PRKG1: variants seen among roughly 807,000 people sequenced by gnomAD.
The protein encoded by PRKG1 is cGMP-dependent protein kinase 1.
A neutral mutation model predicts 88.1 loss-of-function variants in PRKG1; 35 were observed. The ratio of observed to expected loss-of-function variants is 0.40; its 90% CI spans 0.30 to 0.53. PRKG1 has a LOEUF of 0.53. PRKG1 is among the 20% of genes least tolerant of loss of function. The pLI is 0.59. For missense variants in PRKG1, 540 were observed against 839.8 expected (o/e 0.64, Z 4.41); for synonymous variants, 303 against 292.5 (o/e 1.04, Z -0.37).
intron 9 of PRKG1, among the ~76,000 whole-genome samples, chr10:52,219,079 TGTTTTCATGGTGA>T (rs774927053): frequency 4.2e-4 from 64 of 152,282 alleles, no homozygotes; most frequent in Non-Finnish European, 7.5e-4. Flanking sequence ...GGGACTTTTT[TGTTTTCATGGTGA>T]GCACTTCTGT....
intron 1 of PRKG1, among the ~76,000 whole-genome samples, chr10:51,064,878 A>C (rs940615153): frequency 6.6e-6 from 1 of 152,076 alleles, no homozygotes; most frequent in Non-Finnish European, 1.5e-5. Context: ...CTGACATTCT[A>C]TGGAGAAAGC....
chr10:51,065,181 CAGTCAGCTTTTGGAAG>C (rs1843734902), intron 1 of PRKG1, among the ~76,000 whole-genome samples: 1 of 152,016 alleles, frequency 6.6e-6, no homozygotes, highest in African/African-American at 2.4e-5. Flanking sequence ...CCAAATAAAG[CAGTCAGCTTTTGGAAG>C]AGTAGCTGGA....
At chr10:51,380,068 A>C (rs974826977) in intron 2 of PRKG1, among the ~76,000 whole-genome samples, 2 of 152,154 alleles carry the variant, frequency 1.3e-5, no homozygotes, top group Admixed American at 6.6e-5. Context: ...GCCCTGTTGA[A>C]GCCCTCTATG....
chr10:51,967,799 C>A (rs1843609554), intron 5 of PRKG1, among the ~76,000 whole-genome samples: 1 of 152,132 alleles, frequency 6.6e-6, no homozygotes, highest in Admixed American at 6.5e-5. Context: ...ATCATCTTCA[C>A]CACTCCTCCC....
intron 1 of PRKG1, among the ~76,000 whole-genome samples, chr10:51,023,290 T>C (rs1419166109): frequency 2.6e-5 from 4 of 152,212 alleles, no homozygotes; most frequent in Non-Finnish European, 2.9e-5. Flanking sequence ...CTATGAAACA[T>C]TGTTTACTAA....
chr10:51,569,293 G>A (rs1027601569), intron 3 of PRKG1, among the ~76,000 whole-genome samples: 2 of 151,962 alleles, frequency 1.3e-5, no homozygotes, highest in African/African-American at 4.8e-5. Flanking sequence ...GACTGTCAAA[G>A]GTTGCCTGAC....
intron 1 of PRKG1, among the ~76,000 whole-genome samples, chr10:51,102,904 AC>A (rs1227603103): frequency 1.3e-5 from 2 of 152,148 alleles, no homozygotes; most frequent in African/African-American, 2.4e-5. Flanking sequence ...TGGAGAGGAA[AC>A]TTTTTAAAGC....
intron 2 of PRKG1, among the ~76,000 whole-genome samples, chr10:51,388,567 A>G (rs1406986905): frequency 6.6e-6 from 1 of 152,216 alleles, no homozygotes; most frequent in East Asian, 1.9e-4. Context: ...CTTTTCAGTA[A>G]AAGGGCAACA....
intron 2 of PRKG1, among the ~76,000 whole-genome samples, chr10:51,212,338 T>C (rs1838245728): frequency 6.6e-6 from 1 of 152,134 alleles, no homozygotes; most frequent in South Asian, 2.1e-4. Context: ...AAGACTTACA[T>C]GTTAGACCTA....
chr10:52,230,507 G>A (rs143367430), intron 9 of PRKG1, among the ~76,000 whole-genome samples: 110 of 152,328 alleles, frequency 7.2e-4, no homozygotes, highest in African/African-American at 2.5e-3. Flanking sequence ...GAAGAAAACT[G>A]AGGCAGATGA....
chr10:51,520,771 A>G (rs760941172), intron 3 of PRKG1, among the ~76,000 whole-genome samples: 45 of 152,220 alleles, frequency 3.0e-4, no homozygotes, highest in Non-Finnish European at 6.0e-4. Flanking sequence ...TAGCCGGCAA[A>G]AAGAATTAGA....
At chr10:51,964,441 T>C (rs1463200125) in intron 5 of PRKG1, among the ~76,000 whole-genome samples, 1 of 152,190 alleles carries the variant, frequency 6.6e-6, no homozygotes, top group Non-Finnish European at 1.5e-5. Context: ...GTAAATTCAG[T>C]TTGAAAGTTC....
chr10:51,117,457 A>G (rs938299344), intron 1 of PRKG1, among the ~76,000 whole-genome samples: 3 of 152,230 alleles, frequency 2.0e-5, no homozygotes, highest in Non-Finnish European at 4.4e-5. Context: ...ATGAGTAATA[A>G]TCACATATTT....
intron 3 of PRKG1, among the ~76,000 whole-genome samples, chr10:51,513,108 G>A (rs1216510359): frequency 6.6e-6 from 1 of 151,814 alleles, no homozygotes; most frequent in Non-Finnish European, 1.5e-5. Flanking sequence ...CCCATCTCAT[G>A]TGCAGAGACA....
intron 3 of PRKG1, among the ~76,000 whole-genome samples, chr10:51,602,368 T>C (rs1838628817): frequency 6.6e-6 from 1 of 152,114 alleles, no homozygotes; most frequent in Admixed American, 6.6e-5. Context: ...TAACCTTATG[T>C]TTACTTGTAG....
chr10:52,283,504 A>G (rs1183191039), intron 14 of PRKG1, among the ~76,000 whole-genome samples: 1 of 152,132 alleles, frequency 6.6e-6, no homozygotes, highest in Non-Finnish European at 1.5e-5. Context: ...AGCTGCTACT[A>G]CTACAACAAC....
At chr10:51,302,647 A>G (rs1321773634) in intron 2 of PRKG1, 2 of 151,290 alleles carry the variant, frequency 1.3e-5, no homozygotes, top group Non-Finnish European at 2.9e-5. Flanking sequence ...TATTGTCTTT[A>G]GCTGGGAAAA....
chr10:52,187,520 A>T (rs1839229316), intron 9 of PRKG1, among the ~76,000 whole-genome samples: 1 of 152,188 alleles, frequency 6.6e-6, no homozygotes, highest in African/African-American at 2.4e-5. Context: ...GGCAAAAATA[A>T]GTGTTTATGA....
At chr10:51,401,776 T>C (rs929523688) in intron 2 of PRKG1, among the ~76,000 whole-genome samples, 1 of 152,126 alleles carries the variant, frequency 6.6e-6, no homozygotes, top group Non-Finnish European at 1.5e-5. Flanking sequence ...CCAGGAAGTG[T>C]TTATCCATGA....
Sources: gnomAD v4.1 joint callset for allele counts (sites outside exome capture counted in the v4.1 genomes callset) on GRCh38, gnomAD v4.1.1 for gene constraint, MANE v1.5 for transcripts, NCBI Gene and HGNC (gene_info 2026-07-23, HGNC 2026-07-21) for gene names.